NEGR1: variants seen among roughly 807,000 people sequenced by gnomAD.
The protein encoded by NEGR1 is IgLON family member 4.
NEGR1 carries 10 observed loss-of-function variants against 40.9 expected under a neutral mutation model. The ratio of observed to expected loss-of-function variants is 0.24; its 90% CI spans 0.15 to 0.42. The LOEUF is 0.42. Ranked by LOEUF, NEGR1 falls within the 10% of genes least tolerant of loss-of-function variation. The pLI, the probability that NEGR1 is intolerant of heterozygous loss-of-function variation, is 1.00. For missense variants in NEGR1, 352 were observed against 438.9 expected (o/e 0.80, Z 1.77); for synonymous variants, 185 against 166.8 (o/e 1.11, Z -0.84).
intron 6 of NEGR1, among the ~76,000 whole-genome samples, chr1:71,414,672 C>A (rs546301340): frequency 3.3e-5 from 5 of 152,152 alleles, no homozygotes; most frequent in Non-Finnish European, 7.3e-5. Context: ...AGGAAGAGAG[C>A]TTTGTCTGTG....
chr1:71,728,706 T>C (rs1024836103), intron 3 of NEGR1, among the ~76,000 whole-genome samples: 1 of 152,172 alleles, frequency 6.6e-6, no homozygotes, highest in South Asian at 2.1e-4. Context: ...GGAACATTGA[T>C]TGCCTCTCAG....
chr1:72,255,256 A>G (rs1228345576), intron 1 of NEGR1, among the ~76,000 whole-genome samples: 1 of 152,214 alleles, frequency 6.6e-6, no homozygotes, highest in African/African-American at 2.4e-5. Flanking sequence ...TTTACTGCAG[A>G]GTATTTTATT....
intron 1 of NEGR1, among the ~76,000 whole-genome samples, chr1:72,011,268 T>A (rs1339372495): frequency 6.6e-6 from 1 of 152,084 alleles, no homozygotes; most frequent in Admixed American, 6.6e-5. Flanking sequence ...AGAAGTTCAT[T>A]ACCAGCAAGT....
intron 2 of NEGR1, among the ~76,000 whole-genome samples, chr1:71,894,978 T>C (rs1169186298): frequency 1.3e-5 from 2 of 152,114 alleles, no homozygotes; most frequent in Non-Finnish European, 2.9e-5. Flanking sequence ...AAATAATCTA[T>C]ACACAATTTA....
intron 1 of NEGR1, among the ~76,000 whole-genome samples, chr1:72,011,897 A>C (rs1368608078): frequency 1.3e-5 from 2 of 152,114 alleles, no homozygotes; most frequent in Non-Finnish European, 2.9e-5. Context: ...ACAGAGCATT[A>C]AGTGATGAAG....
At chr1:71,522,594 T>C (rs937422895) in intron 6 of NEGR1, among the ~76,000 whole-genome samples, 1 of 151,822 alleles carries the variant, frequency 6.6e-6, no homozygotes, top group South Asian at 2.1e-4. Context: ...CAGAAATTAT[T>C]TCTAATTAAG....
chr1:71,909,641 G>C (rs1336144260), intron 2 of NEGR1, among the ~76,000 whole-genome samples: 1 of 152,132 alleles, frequency 6.6e-6, no homozygotes, highest in Non-Finnish European at 1.5e-5. Flanking sequence ...TAACTGGAAA[G>C]GGGTTTTTAT....
At chr1:71,454,519 A>G (rs1340411186) in intron 6 of NEGR1, among the ~76,000 whole-genome samples, 1 of 150,630 alleles carries the variant, frequency 6.6e-6, no homozygotes, top group Non-Finnish European at 1.5e-5. Context: ...AGACAAGGAT[A>G]ATTTACAATT....
At chr1:71,473,041 A>G (rs1336646462) in intron 6 of NEGR1, among the ~76,000 whole-genome samples, 1 of 152,032 alleles carries the variant, frequency 6.6e-6, no homozygotes, top group East Asian at 1.9e-4. Flanking sequence ...ATGTGTAGTT[A>G]AGAAAAACAG....
At chr1:71,809,774 G>A (rs565751479) in intron 2 of NEGR1, among the ~76,000 whole-genome samples, 2 of 152,126 alleles carry the variant, frequency 1.3e-5, no homozygotes, top group South Asian at 2.1e-4. Context: ...GCACATACAC[G>A]TAGTAATTCA....
intron 1 of NEGR1, among the ~76,000 whole-genome samples, chr1:71,965,677 T>A (rs1646204348): frequency 6.6e-6 from 1 of 152,188 alleles, no homozygotes; most frequent in Admixed American, 6.5e-5. Flanking sequence ...AGAATGTAAT[T>A]GTTCACTTGT....
chr1:71,852,314 T>C (rs182676459), intron 2 of NEGR1, among the ~76,000 whole-genome samples: 1 of 152,276 alleles, frequency 6.6e-6, no homozygotes, highest in Admixed American at 6.5e-5. Context: ...TTTCATATTC[T>C]GTCAGAACTG....
intron 1 of NEGR1, among the ~76,000 whole-genome samples, chr1:72,079,586 C>T (rs1647900564): frequency 6.6e-6 from 1 of 151,934 alleles, no homozygotes; most frequent in Admixed American, 6.6e-5. Context: ...CAATACCAGT[C>T]GTTATAATCA....
intron 6 of NEGR1, among the ~76,000 whole-genome samples, chr1:71,432,116 A>G (rs1646473494): frequency 6.6e-6 from 1 of 152,152 alleles, no homozygotes; most frequent in African/African-American, 2.4e-5. Context: ...TTTATTTTTA[A>G]TGAGATAGGA....
intron 1 of NEGR1, among the ~76,000 whole-genome samples, chr1:72,007,695 C>T (rs1313541077): frequency 6.6e-6 from 1 of 152,160 alleles, no homozygotes; most frequent in Non-Finnish European, 1.5e-5. Context: ...ATTTCTTCTG[C>T]TCAAATACTA....
chr1:71,755,774 T>G (rs995026728), intron 3 of NEGR1, among the ~76,000 whole-genome samples: 1 of 152,212 alleles, frequency 6.6e-6, no homozygotes, highest in Admixed American at 6.5e-5. Flanking sequence ...ATTATGTCTC[T>G]TCTGGCAAGA....
At chr1:71,448,434 A>G (rs1646598563) in intron 6 of NEGR1, among the ~76,000 whole-genome samples, 4 of 152,118 alleles carry the variant, frequency 2.6e-5, no homozygotes. Flanking sequence ...CCGCATCTCT[A>G]CTAAAAATAC....
intron 1 of NEGR1, among the ~76,000 whole-genome samples, chr1:72,009,489 G>GT (rs201622280): frequency 0.014 from 2,195 of 151,590 alleles, 50 homozygotes; most frequent in African/African-American, 0.05. Flanking sequence ...AATGCAGAGG[G>GT]TTTTTTTTAT....
At chr1:72,056,312 G>T (rs979052198) in intron 1 of NEGR1, among the ~76,000 whole-genome samples, 1 of 151,376 alleles carries the variant, frequency 6.6e-6, no homozygotes, top group Non-Finnish European at 1.5e-5. Flanking sequence ...AATGAGGAAT[G>T]AAAAATTTAT....
Sources: gnomAD v4.1 joint callset for allele counts (sites outside exome capture counted in the v4.1 genomes callset) on GRCh38, gnomAD v4.1.1 for gene constraint, MANE v1.5 for transcripts, NCBI Gene and HGNC (gene_info 2026-07-23, HGNC 2026-07-21) for gene names.